PDZD2: variants seen among roughly 807,000 people sequenced by gnomAD.
PDZD2 encodes PDZ domain containing 2.
PDZD2 carries 90 observed loss-of-function variants against 220.7 expected under a neutral mutation model. That is an observed-to-expected ratio of 0.41 (90% CI 0.34 to 0.49). PDZD2 has a LOEUF of 0.49. Ranked by LOEUF, PDZD2 falls within the 20% of genes least tolerant of loss-of-function variation. The pLI is 0.28. For synonymous variants in PDZD2, 1,375 were observed against 1,450.5 expected (o/e 0.95, Z 1.18); for missense variants, 3,174 against 3,608.5 (o/e 0.88, Z 3.08).
intron 2 of PDZD2, chr5:31,854,856 G>A (rs1336865499): frequency 9.8e-6 from 4 of 409,478 alleles, no homozygotes; most frequent in Non-Finnish European, 1.3e-5. Flanking sequence ...GTGGCGAGCC[G>A]AGTTTAGGAT....
chr5:31,657,479 C>G (rs905319337), intron 1 of PDZD2: 1 of 152,156 alleles, frequency 6.6e-6, no homozygotes, highest in African/African-American at 2.4e-5. Context: ...ATCCCATTTG[C>G]TTATGACCCA....
At chr5:31,932,219 A>G (rs544741801) in intron 2 of PDZD2, among the ~76,000 whole-genome samples, 4 of 152,194 alleles carry the variant, frequency 2.6e-5, no homozygotes, top group Non-Finnish European at 5.9e-5. Flanking sequence ...AAGCATATGA[A>G]GCATGATAGC....
At chr5:31,848,003 C>G in intron 2 of PDZD2, 1 of 390,540 alleles carries the variant, frequency 2.6e-6, no homozygotes, top group South Asian at 2.3e-5. Context: ...TGCTGCTATG[C>G]AAGAGAATCC....
chr5:31,829,585 A>G (rs9292444), intron 2 of PDZD2, among the ~76,000 whole-genome samples: 106,960 of 151,790 alleles, frequency 0.7, 38,658 homozygotes, highest in African/African-American at 0.82. Context: ...CCAAAGTGCC[A>G]GGATTACAGG....
chr5:32,031,804 C>G (rs1009267850), intron 6 of PDZD2, among the ~76,000 whole-genome samples: 1 of 152,090 alleles, frequency 6.6e-6, no homozygotes. Context: ...TCATGATAAC[C>G]CTGTAAGACA....
At chr5:31,751,379 G>A (rs1750963413) in intron 1 of PDZD2, among the ~76,000 whole-genome samples, 1 of 152,164 alleles carries the variant, frequency 6.6e-6, no homozygotes, top group South Asian at 2.1e-4. Context: ...AAGAGGTCTA[G>A]GTGGGAAATG....
At chr5:31,662,838 G>A (rs567796126) in intron 1 of PDZD2, among the ~76,000 whole-genome samples, 1 of 152,158 alleles carries the variant, frequency 6.6e-6, no homozygotes, top group African/African-American at 2.4e-5. Context: ...CACCGTGTTA[G>A]CCAGGATGGT....
chr5:31,968,045 T>TA (rs1382913473), intron 2 of PDZD2, among the ~76,000 whole-genome samples: 2 of 152,230 alleles, frequency 1.3e-5, no homozygotes, highest in African/African-American at 4.8e-5. Context: ...TATTGAAATC[T>TA]AATCCCCCAT....
At chr5:32,009,543 C>A (rs1284989432) in intron 5 of PDZD2, among the ~76,000 whole-genome samples, 1 of 151,176 alleles carries the variant, frequency 6.6e-6, no homozygotes, top group Non-Finnish European at 1.5e-5. Context: ...GCCTGGGCAA[C>A]ATAGTGAGAC....
chr5:31,892,623 A>C (rs1347627321), intron 2 of PDZD2, among the ~76,000 whole-genome samples: 1 of 151,750 alleles, frequency 6.6e-6, no homozygotes, highest in African/African-American at 2.4e-5. Context: ...GCTGGAGTGC[A>C]GTGGCGAGAC....
At chr5:31,650,594 A>G (rs1337697695) in intron 1 of PDZD2, among the ~76,000 whole-genome samples, 1 of 152,212 alleles carries the variant, frequency 6.6e-6, no homozygotes, top group Non-Finnish European at 1.5e-5. Flanking sequence ...TGAGAAGCTA[A>G]GAAGTTCATT....
intron 2 of PDZD2, among the ~76,000 whole-genome samples, chr5:31,827,976 G>A (rs1221306636): frequency 6.6e-6 from 1 of 152,138 alleles, no homozygotes; most frequent in Non-Finnish European, 1.5e-5. Flanking sequence ...ATGGTCTTCT[G>A]TACTGAAAGT....
At chr5:31,795,367 CAG>C (rs1753966784) in intron 1 of PDZD2, among the ~76,000 whole-genome samples, 1 of 152,178 alleles carries the variant, frequency 6.6e-6, no homozygotes, top group Non-Finnish European at 1.5e-5. Context: ...ATCTCAGTAA[CAG>C]AAGCATTTAT....
At chr5:32,073,786 T>A in intron 17 of PDZD2, 46 bp from the exon 18 acceptor site, 1 of 1,291,710 alleles carries the variant, frequency 7.7e-7, no homozygotes, top group Non-Finnish European at 1.1e-6. Flanking sequence ...CAGGGCCAAG[T>A]GGGAAGCTCA....
At chr5:31,976,714 CTTTTTTTTTTT>C (rs869280921) in intron 2 of PDZD2, among the ~76,000 whole-genome samples, 28 of 99,726 alleles carry the variant, frequency 2.8e-4, no homozygotes, top group African/African-American at 1.0e-3. Context: ...TTTCTTCTTT[CTTTTTTTTTTT>C]TTTTTTTTTT....
chr5:31,823,286 G>GCCT (rs1355187904), intron 2 of PDZD2: 5 of 331,524 alleles, frequency 1.5e-5, no homozygotes, highest in African/African-American at 2.2e-5. Context: ...CCAAGGCATG[G>GCCT]TGAAACCTGT....
At chr5:31,825,880 C>G (rs1009228680) in intron 2 of PDZD2, among the ~76,000 whole-genome samples, 1 of 152,094 alleles carries the variant, frequency 6.6e-6, no homozygotes, top group Non-Finnish European at 1.5e-5. Flanking sequence ...AGATTGTTTT[C>G]GAGCATGGTT....
intron 2 of PDZD2, among the ~76,000 whole-genome samples, chr5:31,808,275 G>T (rs1198131639): frequency 6.6e-6 from 1 of 152,168 alleles, no homozygotes; most frequent in Admixed American, 6.5e-5. Context: ...TACTCAGCTT[G>T]CTGTTTAAAA....
At chr5:31,886,576 G>A (rs932688260) in intron 2 of PDZD2, among the ~76,000 whole-genome samples, 1 of 152,172 alleles carries the variant, frequency 6.6e-6, no homozygotes, top group African/African-American at 2.4e-5. Flanking sequence ...GAAGGATGCT[G>A]AGATGTGTGG....
Sources: gnomAD v4.1 joint callset for allele counts (sites outside exome capture counted in the v4.1 genomes callset) on GRCh38, gnomAD v4.1.1 for gene constraint, MANE v1.5 for transcripts, NCBI Gene and HGNC (gene_info 2026-07-23, HGNC 2026-07-21) for gene names.